The following GPR158 variants were observed in gnomAD, a reference collection of about 807,000 sequenced individuals.
The protein encoded by GPR158 is metabotropic glycine receptor.
GPR158 carries 30 observed loss-of-function variants against 78.2 expected under a neutral mutation model. The ratio of observed to expected loss-of-function variants is 0.38; its 90% CI spans 0.29 to 0.52. The LOEUF (loss-of-function observed/expected upper bound fraction) is 0.52. GPR158 is among the 20% of genes least tolerant of loss of function. The pLI, the probability that GPR158 is intolerant of heterozygous loss-of-function variation, is 0.83. For missense variants in GPR158, 1,463 were observed against 1,523.5 expected (o/e 0.96, Z 0.66); for synonymous variants, 581 against 591.1 (o/e 0.98, Z 0.25).
chr10:25,201,139 T>C (rs1852922628), intron 1 of GPR158, among the ~76,000 whole-genome samples: 1 of 152,174 alleles, frequency 6.6e-6, no homozygotes, highest in Non-Finnish European at 1.5e-5. Flanking sequence ...TCCATGAGCA[T>C]GGAATATTTT....
chr10:25,567,060 A>C (rs552354864), intron 6 of GPR158, among the ~76,000 whole-genome samples: 17 of 152,174 alleles, frequency 1.1e-4, no homozygotes, highest in South Asian at 2.1e-4. Flanking sequence ...TCTAAAGAAG[A>C]AGCTCAGGAC....
intron 1 of GPR158, among the ~76,000 whole-genome samples, chr10:25,214,152 G>A (rs1428561740): frequency 2.0e-5 from 3 of 151,756 alleles, no homozygotes; most frequent in East Asian, 1.9e-4. Context: ...CCGACACCAC[G>A]CCCCGCTAAT....
At chr10:25,580,908 A>ATT (rs1837185063) in intron 7 of GPR158, among the ~76,000 whole-genome samples, 1 of 87,808 alleles carries the variant, frequency 1.1e-5, no homozygotes, top group Admixed American at 1.1e-4. Context: ...TTATTTTTTT[A>ATT]TTTTATTTTA....
At chr10:25,516,396 T>C (rs2130676010) in intron 5 of GPR158, among the ~76,000 whole-genome samples, 1 of 152,272 alleles carries the variant, frequency 6.6e-6, no homozygotes, top group South Asian at 2.1e-4. Flanking sequence ...TTGTCAATTT[T>C]GGCTTTTGCT....
chr10:25,438,969 C>T (rs1280567568), intron 4 of GPR158, among the ~76,000 whole-genome samples: 2 of 152,166 alleles, frequency 1.3e-5, no homozygotes, highest in African/African-American at 2.4e-5. Flanking sequence ...TATTGGGATA[C>T]AGCCACATTT....
At chr10:25,211,473 T>TG (rs952135375) in intron 1 of GPR158, among the ~76,000 whole-genome samples, 7 of 152,002 alleles carry the variant, frequency 4.6e-5, no homozygotes, top group Non-Finnish European at 7.4e-5. Context: ...GAAAAAGGGA[T>TG]GGGGGGAGCG....
intron 2 of GPR158, among the ~76,000 whole-genome samples, chr10:25,303,730 A>G (rs755480096): frequency 6.6e-6 from 1 of 152,346 alleles, no homozygotes; most frequent in Non-Finnish European, 1.5e-5. Context: ...GAAAGGCAAT[A>G]TGTTTTATTT....
intron 2 of GPR158, among the ~76,000 whole-genome samples, chr10:25,240,522 G>T (rs530866297): frequency 2.0e-5 from 3 of 152,164 alleles, no homozygotes; most frequent in African/African-American, 7.2e-5. Context: ...TGACTAAATG[G>T]TCAGGACAGG....
intron 1 of GPR158, among the ~76,000 whole-genome samples, chr10:25,177,655 A>G (rs953813114): frequency 2.0e-5 from 3 of 151,956 alleles, no homozygotes; most frequent in Non-Finnish European, 4.4e-5. Flanking sequence ...TCAGCTACTT[A>G]TCTGTCCAGT....
chr10:25,267,945 G>A (rs1229103753), intron 2 of GPR158, among the ~76,000 whole-genome samples: 1 of 151,940 alleles, frequency 6.6e-6, no homozygotes, highest in Non-Finnish European at 1.5e-5. Context: ...TCTTTCAGTT[G>A]TTACTCTTAA....
chr10:25,299,974 A>C (rs1854568106), intron 2 of GPR158, among the ~76,000 whole-genome samples: 1 of 152,012 alleles, frequency 6.6e-6, no homozygotes. Flanking sequence ...TTACAGGTGC[A>C]TGCCGCCACG....
chr10:25,468,284 C>G (rs1835452176), intron 5 of GPR158, among the ~76,000 whole-genome samples: 1 of 152,108 alleles, frequency 6.6e-6, no homozygotes, highest in Admixed American at 6.6e-5. Flanking sequence ...TTTTCAGGGG[C>G]TCCCCACTCC....
At chr10:25,427,076 C>G (rs1220698822) in intron 4 of GPR158, among the ~76,000 whole-genome samples, 1 of 151,844 alleles carries the variant, frequency 6.6e-6, no homozygotes, top group Non-Finnish European at 1.5e-5. Flanking sequence ...GTCTTTTTGT[C>G]CTTATCTTTT....
intron 2 of GPR158, among the ~76,000 whole-genome samples, chr10:25,258,159 G>A (rs1286078447): frequency 6.6e-6 from 1 of 152,138 alleles, no homozygotes; most frequent in African/African-American, 2.4e-5. Flanking sequence ...AACATGAAAG[G>A]CATCAAGCAC....
intron 1 of GPR158, among the ~76,000 whole-genome samples, chr10:25,196,391 T>G (rs1028475762): frequency 2.0e-5 from 3 of 152,248 alleles, no homozygotes; most frequent in Non-Finnish European, 2.9e-5. Context: ...AGGATCTTAA[T>G]TTAAATATCT....
intron 5 of GPR158, among the ~76,000 whole-genome samples, chr10:25,486,539 G>A (rs1018425753): frequency 6.6e-6 from 1 of 152,186 alleles, no homozygotes; most frequent in African/African-American, 2.4e-5. Context: ...TACGTTAGTC[G>A]ATGAAGTGCA....
intron 2 of GPR158, among the ~76,000 whole-genome samples, chr10:25,375,870 A>G (rs1834071749): frequency 6.6e-6 from 1 of 151,612 alleles, no homozygotes; most frequent in Admixed American, 6.6e-5. Flanking sequence ...TAGTTATTCT[A>G]GGAGCTACAA....
At chr10:25,314,787 GCA>G (rs946939681) in intron 2 of GPR158, among the ~76,000 whole-genome samples, 7 of 142,698 alleles carry the variant, frequency 4.9e-5, no homozygotes, top group Non-Finnish European at 1.1e-4. Context: ...AAATATATAT[GCA>G]CACACACAGT....
chr10:25,176,789 C>T lies in GPR158; in HGVS notation c.902+467C>T, dbSNP rs991940821. 2.0e-5 allele frequency among the ~76,000 whole-genome samples: 3 copies of T among 152,198 alleles called. No individual in the cohort carries two copies. Among genetic ancestry groups the T allele is most frequent in the Admixed American group, 6.5e-5 (1 of 15,290 alleles). On this transcript the variant is annotated intron_variant, in intron 1 of 10. Coordinates refer to ENST00000376351, the MANE Select transcript of GPR158 (RefSeq NM_020752.3). This position sits in a 1 kb window ranked among gnomAD's most constrained non-coding sequence, Gnocchi z 6.3. ...CCTTGTTTCTGCCACTTTGGGGTAG[C>T]CTCTGCCTGCTTCCTACGTGTGCAG...
Sources: gnomAD v4.1 joint callset for allele counts (sites outside exome capture counted in the v4.1 genomes callset) on GRCh38, gnomAD v4.1.1 for gene constraint, Gnocchi (gnomAD v3.1) non-coding constraint, MANE v1.5 for transcripts, NCBI Gene and HGNC (gene_info 2026-07-23, HGNC 2026-07-21) for gene names.